DPYD: variants seen among roughly 807,000 people sequenced by gnomAD.
DPYD encodes the protein dihydropyrimidine dehydrogenase.
In DPYD, 109 loss-of-function variants were observed where a neutral mutation model predicts 116.2. That is an observed-to-expected ratio of 0.94 (90% confidence interval 0.80 to 1.10). The LOEUF is 1.10. Ranked by LOEUF, DPYD falls within the 50% of genes least tolerant of loss-of-function variation. The pLI is 0.00. For synonymous variants in DPYD, 440 were observed against 432.0 expected, an observed-to-expected ratio of 1.02 and a Z score of -0.23; for missense variants, 1,302 against 1,254.5, an observed-to-expected ratio of 1.04 and a Z score of -0.57.
At chr1:97,706,741 C>T (rs899134461) in intron 5 of DPYD, among the ~76,000 whole-genome samples, 4 of 151,902 alleles carry the variant, frequency 2.6e-5, no homozygotes, top group African/African-American at 9.7e-5. Context: ...TCTGTATGTA[C>T]CATAGTTTAT....
rs529220955 is a variant in DPYD, at chr1:97,563,477, C to A, written c.1339+10283G>T. ...TACGTTATTTTTTCCCATTTTCTACCTTCTTTCCCTAACAAAACTTGTTAC... is the reference window on the plus strand; with the variant it reads ...TACGTTATTTTTTCCCATTTTCTACATTCTTTCCCTAACAAAACTTGTTAC... On this transcript the variant is annotated intron_variant, in intron 11 of 22. Coordinates refer to ENST00000370192, the MANE Select transcript of DPYD (RefSeq NM_000110.4). Among the ~76,000 whole-genome samples, 4 of 152,232 alleles carry A rather than the reference C, an allele frequency of 2.6e-5. 1 individual carries two copies. The South Asian group carries it at 8.3e-4, about 32-fold the overall frequency.
At chr1:97,207,014 G>C (rs1659686461) in intron 19 of DPYD, among the ~76,000 whole-genome samples, 1 of 151,840 alleles carries the variant, frequency 6.6e-6, no homozygotes, top group Non-Finnish European at 1.5e-5. Context: ...TCATTCACCA[G>C]ATTTCAGAGA....
At chr1:97,652,590 C>T (rs1044684084) in intron 8 of DPYD, among the ~76,000 whole-genome samples, 1 of 152,048 alleles carries the variant, frequency 6.6e-6, no homozygotes, top group Non-Finnish European at 1.5e-5. Context: ...ATAAGAAAAG[C>T]TAAAAGCAAA....
intron 4 of DPYD, among the ~76,000 whole-genome samples, chr1:97,736,331 T>C (rs1663938463): frequency 6.6e-6 from 1 of 151,498 alleles, no homozygotes; most frequent in Non-Finnish European, 1.5e-5. Flanking sequence ...CTATAATTAG[T>C]GAAAAAACTT....
At chr1:97,337,256 G>A (rs1669339469) in intron 16 of DPYD, among the ~76,000 whole-genome samples, 1 of 152,174 alleles carries the variant, frequency 6.6e-6, no homozygotes, top group Non-Finnish European at 1.5e-5. Context: ...CTCAGATTAA[G>A]CATATGAGTA....
At chr1:97,316,420 A>G (rs1489919405) in intron 16 of DPYD, among the ~76,000 whole-genome samples, 1 of 151,596 alleles carries the variant, frequency 6.6e-6, no homozygotes, top group Non-Finnish European at 1.5e-5. Flanking sequence ...AGGCTGAGGA[A>G]TGAGAATCCT....
intron 18 of DPYD, among the ~76,000 whole-genome samples, chr1:97,236,950 CTCACGCCTATAA>C (rs1480268850): frequency 6.6e-6 from 1 of 152,086 alleles, no homozygotes; most frequent in Non-Finnish European, 1.5e-5. Context: ...GGAGTGGTGG[CTCACGCCTATAA>C]TCCTAGCACT....
At chr1:97,474,319 GC>G (rs200095280) in intron 13 of DPYD, among the ~76,000 whole-genome samples, 2,588 of 151,982 alleles carry the variant, frequency 0.017, 38 homozygotes, top group Non-Finnish European at 0.026. Flanking sequence ...TGCCAATATA[GC>G]CCATTATACA....
intron 2 of DPYD, among the ~76,000 whole-genome samples, chr1:97,869,030 T>C (rs1671532867): frequency 6.6e-6 from 1 of 151,880 alleles, no homozygotes; most frequent in Non-Finnish European, 1.5e-5. Context: ...ATCTTCTCTC[T>C]CCTCAGCCTG....
chr1:97,419,392 C>T (rs2101691973), intron 14 of DPYD, among the ~76,000 whole-genome samples: 1 of 152,234 alleles, frequency 6.6e-6, no homozygotes, highest in South Asian at 2.1e-4. Context: ...CGGTTATCCC[C>T]ACTTATTACC....
intron 20 of DPYD, among the ~76,000 whole-genome samples, chr1:97,142,970 T>C (rs1243319467): frequency 2.0e-5 from 3 of 152,120 alleles, no homozygotes; most frequent in East Asian, 1.9e-4. Flanking sequence ...TGAGGAAATA[T>C]AGAAAAGAAA....
At chr1:97,477,595 A>G (rs923258673) in intron 13 of DPYD, among the ~76,000 whole-genome samples, 2 of 144,868 alleles carry the variant, frequency 1.4e-5, no homozygotes, top group Non-Finnish European at 3.0e-5. Flanking sequence ...TCCTTCCATG[A>G]CTGTTCTTCT....
At chr1:97,240,337 G>C (rs1310582670) in intron 18 of DPYD, among the ~76,000 whole-genome samples, 1 of 151,836 alleles carries the variant, frequency 6.6e-6, no homozygotes, top group Non-Finnish European at 1.5e-5. Flanking sequence ...TACTTCGCAT[G>C]ACTAAATCCT....
At chr1:97,484,491 C>T (rs910550572) in intron 13 of DPYD, among the ~76,000 whole-genome samples, 5 of 152,024 alleles carry the variant, frequency 3.3e-5, no homozygotes, top group South Asian at 2.1e-4. Context: ...AATATTGGTG[C>T]GGGTCTTTCT....
chr1:97,700,288 T>C (rs1358675820), intron 5 of DPYD: 1 of 455,804 alleles, frequency 2.2e-6, no homozygotes, highest in Non-Finnish European at 4.4e-6. Flanking sequence ...TTTGGAAATG[T>C]AGGAGGCCAT....
intron 13 of DPYD, among the ~76,000 whole-genome samples, chr1:97,473,931 G>C (rs141877895): frequency 0.017 from 2,569 of 150,710 alleles, 38 homozygotes; most frequent in Non-Finnish European, 0.026. Context: ...AGGATCACTT[G>C]AGCCCAGGAA....
intron 20 of DPYD, among the ~76,000 whole-genome samples, chr1:97,101,603 T>A (rs941911031): frequency 6.6e-6 from 1 of 151,948 alleles, no homozygotes; most frequent in African/African-American, 2.4e-5. Context: ...AATAAAGCAT[T>A]TAGTTCAAAT....
intron 1 of DPYD, among the ~76,000 whole-genome samples, chr1:97,888,211 A>C (rs1672602708): frequency 6.6e-6 from 1 of 152,092 alleles, no homozygotes. Context: ...TGAAAAATAC[A>C]ATAGCTGATA....
At chr1:97,115,573 A>G (rs1425576357) in intron 20 of DPYD, among the ~76,000 whole-genome samples, 3 of 152,168 alleles carry the variant, frequency 2.0e-5, no homozygotes, top group Non-Finnish European at 4.4e-5. Context: ...ATACTTATGT[A>G]TTTTCCTAAT....
Sources: gnomAD v4.1 joint callset for allele counts (sites outside exome capture counted in the v4.1 genomes callset) on GRCh38, gnomAD v4.1.1 for gene constraint, MANE v1.5 for transcripts, NCBI Gene and HGNC (gene_info 2026-07-23, HGNC 2026-07-21) for gene names.